The following VPS11 variants were observed in gnomAD, a reference collection of about 807,000 sequenced individuals.
VPS11 encodes the protein VPS11 core subunit of CORVET and HOPS complexes.
Under a neutral mutation model 106.8 loss-of-function variants are expected in VPS11, and 51 were observed. That is an observed-to-expected ratio of 0.48 (90% CI 0.38 to 0.60). The LOEUF (loss-of-function observed/expected upper bound fraction) is 0.60. Ranked by LOEUF, VPS11 falls within the 20% of genes least tolerant of loss-of-function variation. VPS11 has a pLI of 0.00. For synonymous variants in VPS11, 453 were observed against 458.7 expected (o/e 0.99, Z 0.16); for missense variants, 950 against 1,190.0 (o/e 0.80, Z 2.97).
intron 5 of VPS11, 99 bp downstream of exon 5, chr11:119,071,942 A>T: frequency 1.4e-6 from 2 of 1,455,576 alleles, no homozygotes; most frequent in South Asian, 1.3e-5. Flanking sequence ...CCAATCTCCT[A>T]CTCCTACTCC....
At position 119,081,620 on chromosome 11, in the gene VPS11, T is replaced by G. The variant is rs2134815787; in HGVS notation, c.2823T>G (p.Thr941=). The G allele has an allele frequency of 3.1e-6, 5 of 1,613,744 alleles. No homozygotes were observed. The Middle Eastern group carries it at 5.0e-4, about 160-fold the overall frequency. The part of the protein sequence containing the change: ...RDLLMHSRRG[T] ...TACTCATGCACTCCAGGAGGGGCACTTAAGCAGCCTGGAGGAAGATGTGGG... is the reference window on the plus strand; with the variant it reads ...TACTCATGCACTCCAGGAGGGGCACGTAAGCAGCCTGGAGGAAGATGTGGG... The change falls in exon 16 of 16, where the codon ACT becomes ACG. Residue 941 remains threonine, a synonymous_variant. Coordinates refer to ENST00000621676, the MANE Select transcript of VPS11 (RefSeq NM_021729.6).
At position 119,071,789 on chromosome 11, in the gene VPS11, A is replaced by G. The variant is rs782646767; in HGVS notation, c.830A>G (p.His277Arg). The change falls in exon 5 of 16, where the codon CAC becomes CGC. Residue 277 changes from histidine to arginine, a missense_variant. Around this residue, in one of 3 missense-constraint regions of VPS11, gnomAD observed 435 missense variants for 630.2 expected, o/e 0.69. Coordinates refer to ENST00000621676, the MANE Select transcript of VPS11 (RefSeq NM_021729.6). The part of the protein sequence containing the change: ...FAFEGHKLIA[H>R]WFRGYLIIVS... ...TTTGAGGGCCATAAGCTCATTGCCC[A>G]CTGGTTTAGAGGCTACCTTATCATT... 1 of 1,613,764 alleles carries G rather than the reference A, an allele frequency of 6.2e-7. No homozygotes were observed. The highest frequency in any genetic ancestry group is 2.2e-5 in the East Asian group (1 of 44,896).
At chr11:119,076,073 A>G (rs1945605070) in intron 7 of VPS11, among the ~76,000 whole-genome samples, 1 of 151,632 alleles carries the variant, frequency 6.6e-6, no homozygotes, top group Non-Finnish European at 1.5e-5. Context: ...TAAAAATACA[A>G]AAATTAGCTG....
chr11:119,077,224 G>C (rs969153888), intron 8 of VPS11, 141 bp downstream of exon 8: 1 of 1,122,518 alleles, frequency 8.9e-7, no homozygotes, highest in African/African-American at 1.6e-5. Context: ...CTGTTAGTTC[G>C]GTGCCATCTC....
In VPS11 at chr11:119,073,329, C is replaced by A; in HGVS notation, c.1016C>A (p.Ser339Tyr). 1 of 1,614,000 alleles carries A rather than the reference C, an allele frequency of 6.2e-7. No individual in the cohort carries two copies. Among genetic ancestry groups the A allele is most frequent in the Non-Finnish European group, 8.5e-7 (1 of 1,179,888 alleles). Residue 339 changes from serine to tyrosine, a missense_variant, in exon 6 of 16, where the codon TCC (serine) becomes TAC (tyrosine). Coordinates refer to ENST00000621676, the MANE Select transcript of VPS11 (RefSeq NM_021729.6). ...GTGGATGTGCTTGCTGAGTGGGGCT[C>A]CCTGTACGTGCTGACGCGGGATGGG... ...DVVDVLAEWG[S>Y]LYVLTRDGRV... is the part of the protein sequence containing the mutation.
rs781977691 is a variant in VPS11 at position 119,081,303 on chromosome 11, T to G, written c.2650T>G (p.Phe884Val). The change falls in exon 15 of 16, where the codon TTC becomes GTC. Residue 884 changes from phenylalanine (F) to valine (V), a missense_variant. Around this residue, in one of 3 missense-constraint regions of VPS11, gnomAD observed 453 missense variants for 514.6 expected, o/e 0.88. Transcript: ENST00000621676. Reference protein sequence around the residue: ...QEQKRDLHDQFQHQLKCSNDS... With the variant: ...QEQKRDLHDQVQHQLKCSNDS... ...ACAGAAACGAGATCTCCATGATCAA[T>G]TCCAGCATCAGGTGGGGATGAGTGG... 6.2e-7 allele frequency: 1 copy of G among 1,614,032 alleles called. No individual in the cohort carries two copies. The highest frequency in any genetic ancestry group is 8.5e-7 in the Non-Finnish European group (1 of 1,179,894).
Position 119,076,953 on chromosome 11 carries a change from G to T in VPS11, c.1295G>T (p.Arg432Leu). The T allele has an allele frequency of 6.2e-7, 1 of 1,613,960 alleles. No individual in the cohort carries two copies. The highest frequency in any genetic ancestry group is 8.5e-7 in the Non-Finnish European group (1 of 1,179,878). The stretch of plus-strand genomic sequence containing the variant: ...ATCCGCAAGTTTCTGGATGCCCAGC[G>T]CATTCACAACCTGACTGCCTACCTG... ...YVIRKFLDAQ[R>L]IHNLTAYLQT... The change falls in exon 8 of 16, where the codon CGC becomes CTC. Residue 432 changes from arginine (R) to leucine (L), a missense_variant. This residue lies in a region of VPS11 where 435 missense variants were observed against 630.2 expected (regional missense o/e 0.69). Coordinates refer to ENST00000621676, the MANE Select transcript of VPS11 (RefSeq NM_021729.6).
intron 4 of VPS11, among the ~76,000 whole-genome samples, chr11:119,071,243 C>T (rs1479637964): frequency 6.6e-6 from 1 of 152,094 alleles, no homozygotes; most frequent in African/African-American, 2.4e-5. Flanking sequence ...TTCTAACTAA[C>T]TTTTTAAATG....
rs781950937 is a variant in VPS11 at position 119,073,328 on chromosome 11, T to G, written c.1015T>G (p.Ser339Ala). Residue 339 changes from serine to alanine, a missense_variant, in exon 6 of 16, where the codon TCC (serine) becomes GCC (alanine). Ser to Ala is a moderately conservative substitution (Grantham distance 99). This residue lies in a region of VPS11 where 435 missense variants were observed against 630.2 expected (regional missense o/e 0.69). Coordinates refer to ENST00000621676, the MANE Select transcript of VPS11 (RefSeq NM_021729.6). ...AGTGGATGTGCTTGCTGAGTGGGGC[T>G]CCCTGTACGTGCTGACGCGGGATGG... Reference protein sequence around the residue: ...DVVDVLAEWGSLYVLTRDGRV... With the variant: ...DVVDVLAEWGALYVLTRDGRV... 1.2e-6 allele frequency: 2 copies of G among 1,613,978 alleles called. No homozygotes were observed. The highest frequency in any genetic ancestry group is 3.3e-5 in the Admixed American group (2 of 60,014).
At chr11:119,068,484 C>T (rs1476793764) in intron 1 of VPS11, among the ~76,000 whole-genome samples, 1 of 111,230 alleles carries the variant, frequency 9.0e-6, no homozygotes, top group Non-Finnish European at 1.7e-5. Context: ...GAGTCTTACT[C>T]TGTTGCCCAG....
chr11:119,077,433 G>A, intron 8 of VPS11, 68 bp from the exon 9 acceptor site: 4 of 1,553,290 alleles, frequency 2.6e-6, no homozygotes, highest in Non-Finnish European at 1.7e-6. Context: ...TGAAAGTCAG[G>A]TGCCTGTTTC....
chr11:119,080,415 C>T (rs569063675), intron 14 of VPS11, among the ~76,000 whole-genome samples: 30 of 151,380 alleles, frequency 2.0e-4, no homozygotes, highest in African/African-American at 6.8e-4. Context: ...GTCCCCCACG[C>T]TGGAGTGTGA....
intron 1 of VPS11, among the ~76,000 whole-genome samples, 200 bp from the exon 2 acceptor site, chr11:119,068,996 A>AT: frequency 8.6e-5 from 1 of 11,598 alleles, no homozygotes; most frequent in African/African-American, 2.7e-4. Flanking sequence ...GGTGATCCGC[A>AT]CCCCCCCCCC....
Position 119,081,903 on chromosome 11 carries a change from C to T in VPS11, c.*280C>T, listed in dbSNP as rs1945866028. On this transcript the variant is annotated 3_prime_UTR_variant, in exon 16 of 16. Transcript: ENST00000621676. ...GACAATAGCTGCTTTCTTCTCTATC[C>T]AAGAGCACCAGGCTGTGCTTGGGTC... is the stretch of plus-strand genomic sequence containing the variant. The T allele has an allele frequency of 4.6e-6, 2 of 435,102 alleles. No individual in the cohort carries two copies. The highest frequency in any genetic ancestry group is 7.6e-5 in the East Asian group (2 of 26,386). The allele number at this position is 435,102 out of a possible 1,614,324, so 27.0% of individuals were successfully genotyped here.
At chr11:119,069,063 C>G (rs4938622) in intron 1 of VPS11, 133 bp from the exon 2 acceptor site, 23 of 1,033,366 alleles carry the variant, frequency 2.2e-5, no homozygotes, top group Non-Finnish European at 2.9e-5. Context: ...CCTGGCCTCA[C>G]TCTTTTTAAG....
Position 119,081,141 on chromosome 11 carries a change from GA to G in VPS11, c.2489del (p.Glu830GlyfsTer41). 6.2e-7 allele frequency: 1 copy of G among 1,614,028 alleles called. No individual in the cohort carries two copies. The highest frequency in any genetic ancestry group is 8.5e-7 in the Non-Finnish European group (1 of 1,179,904). Reference sequence around the variant, plus strand: ...GTGCAGCATCTGTAACAGTGCCTTGGAGTTGCCCTCAGTCCACTTCCTGTGT... The same window carrying G: ...GTGCAGCATCTGTAACAGTGCCTTGGGTTGCCCTCAGTCCACTTCCTGTGT... ...TKCSICNSAL[E>X]LPSVHFLCGH... is the part of the protein sequence containing the mutation. On this transcript the variant is annotated frameshift_variant, in exon 15 of 16. Transcript: ENST00000621676. LOFTEE classifies it high-confidence loss of function.
At position 119,071,802 on chromosome 11, in the gene VPS11, C is replaced by T. The variant is rs752295595; in HGVS notation, c.843C>T (p.Gly281=). The T allele has an allele frequency of 1.2e-6, 2 of 1,613,922 alleles. No individual in the cohort carries two copies. The highest frequency in any genetic ancestry group is 2.2e-5 in the East Asian group (1 of 44,880). The change falls in exon 5 of 16, where the codon GGC becomes GGT. Residue 281 remains glycine (G), a synonymous_variant. Transcript: ENST00000621676. ...AGCTCATTGCCCACTGGTTTAGAGG[C>T]TACCTTATCATTGTCTCCCGTGACC... The part of the protein sequence containing the change: ...GHKLIAHWFR[G]YLIIVSRDRK...
rs782528108 is a variant in VPS11, at chr11:119,079,133, G to A, written c.2271G>A (p.Val757=). 3.1e-6 allele frequency: 5 copies of A among 1,613,692 alleles called. No homozygotes were observed. In the African/African-American group the frequency reaches 4.0e-5, roughly 13 times the overall value. ...NKNLMPPLLV[V]QTLAHNSTAT... is the part of the protein sequence containing the mutation. The stretch of plus-strand genomic sequence containing the variant: ...CCTCTTGGACCCCAATCTCAGTGGT[G>A]CAGACCCTGGCCCACAACTCCACAG... Residue 757 remains valine, a synonymous_variant, in exon 14 of 16, where the codon GTG becomes GTA. Transcript: ENST00000621676.
chr11:119,071,773 C>T lies in VPS11; in HGVS notation c.814C>T (p.His272Tyr), dbSNP rs1177470855. 6.2e-7 allele frequency: 1 copy of T among 1,613,866 alleles called. No individual in the cohort carries two copies. The highest frequency in any genetic ancestry group is 1.3e-5 in the African/African-American group (1 of 74,908). Residue 272 changes from histidine to tyrosine, a missense_variant, in exon 5 of 16, where the codon CAT becomes TAT. Around this residue, in one of 3 missense-constraint regions of VPS11, gnomAD observed 435 missense variants for 630.2 expected, o/e 0.69. Transcript: ENST00000621676. ...TGGGCCCTGCTTCGCCTTTGAGGGC[C>T]ATAAGCTCATTGCCCACTGGTTTAG... is the stretch of plus-strand genomic sequence containing the variant. ...ERGPCFAFEG[H>Y]KLIAHWFRGY...
Sources: gnomAD v4.1 joint callset for allele counts (sites outside exome capture counted in the v4.1 genomes callset) on GRCh38, gnomAD v4.1.1 for gene constraint, gnomAD v4.1.1 regional missense constraint, MANE v1.5 for transcripts, NCBI Gene and HGNC (gene_info 2026-07-23, HGNC 2026-07-21) for gene names.